EYS: variants seen among roughly 807,000 people sequenced by gnomAD.
EYS encodes the protein protein eyes shut homolog.
EYS carries 250 observed loss-of-function variants against 282.1 expected under a neutral mutation model. The observed-to-expected ratio is 0.89, with a 90% CI of 0.80 to 0.98. EYS has a LOEUF of 0.98. Among genes scored for constraint, EYS ranks in the 50% least tolerant of loss-of-function variants. The pLI, the probability that EYS is intolerant of heterozygous loss-of-function variation, is 0.00. For synonymous variants in EYS, 1,355 were observed against 1,282.9 expected, an observed-to-expected ratio of 1.06 and a Z score of -1.20; for missense variants, 4,016 against 3,709.0, an observed-to-expected ratio of 1.08 and a Z score of -2.15.
intron 5 of EYS, among the ~76,000 whole-genome samples, chr6:65,431,717 A>G (rs1767897044): frequency 6.6e-6 from 1 of 152,116 alleles, no homozygotes; most frequent in Non-Finnish European, 1.5e-5. Flanking sequence ...GTGTCACATT[A>G]TCTCTAAATT....
At chr6:64,728,489 C>T (rs1230738679) in intron 22 of EYS, among the ~76,000 whole-genome samples, 2 of 152,110 alleles carry the variant, frequency 1.3e-5, no homozygotes, top group African/African-American at 4.8e-5. Context: ...CGCCCGCCAC[C>T]ATGCCTGACT....
At chr6:64,579,752 C>T (rs1315807778) in intron 26 of EYS, among the ~76,000 whole-genome samples, 1 of 152,116 alleles carries the variant, frequency 6.6e-6, no homozygotes, top group Non-Finnish European at 1.5e-5. Context: ...TTCTGCTGTA[C>T]TGAATCTTTG....
intron 22 of EYS, among the ~76,000 whole-genome samples, chr6:64,766,541 A>G (rs2149982344): frequency 6.9e-6 from 1 of 145,666 alleles, no homozygotes; most frequent in East Asian, 2.1e-4. Flanking sequence ...CTGAGGCAGG[A>G]GAATCACTTG....
At chr6:65,615,059 G>A (rs1367912600) in intron 2 of EYS, among the ~76,000 whole-genome samples, 2 of 152,128 alleles carry the variant, frequency 1.3e-5, no homozygotes, top group East Asian at 1.9e-4. Flanking sequence ...ACCAAAAGGC[G>A]AAATTCAATC....
rs565061562 is a variant in EYS, at chr6:64,548,826, A to C, written c.5644+41397T>G. On this transcript the variant is annotated intron_variant, in intron 26 of 42. Coordinates refer to ENST00000503581, the MANE Select transcript of EYS (RefSeq NM_001142800.2). The stretch of plus-strand genomic sequence containing the variant: ...ACATGTACCCTAAAACTTAAAGTAT[A>C]ATAAAAAAAAAAGAAAGAATAGCTG... Among the ~76,000 whole-genome samples, 37 of 149,378 alleles carry C rather than the reference A, an allele frequency of 2.5e-4. 2 individuals carry two copies. Among genetic ancestry groups the C allele is most frequent in the African/African-American group, 9.0e-4 (37 of 40,958 alleles).
chr6:64,777,230 A>T (rs976707896), intron 22 of EYS, among the ~76,000 whole-genome samples: 1 of 152,198 alleles, frequency 6.6e-6, no homozygotes, highest in African/African-American at 2.4e-5. Context: ...GTAGACTGGG[A>T]TATAAAATAG....
At position 64,455,619 on chromosome 6, in the gene EYS, G is replaced by T. The variant is rs367977789; in HGVS notation, c.5645-16267C>A. ...CCCTCCCCATGTCCCCAATCCTCCC[G>T]ACAAGACCTGGTGTGTGATATTCCC... On this transcript the variant is annotated intron_variant, in intron 26 of 42. Coordinates refer to ENST00000503581, the MANE Select transcript of EYS (RefSeq NM_001142800.2). Among the ~76,000 whole-genome samples the T allele has an allele frequency of 1.3e-4, 19 of 151,944 alleles. No individual in the cohort carries two copies. The East Asian group carries it at 3.3e-3, about 26-fold the overall frequency.
intron 12 of EYS, among the ~76,000 whole-genome samples, chr6:65,070,458 A>G (rs185643960): frequency 1.3e-5 from 2 of 151,982 alleles, no homozygotes; most frequent in Non-Finnish European, 2.9e-5. Context: ...GACTCTACTC[A>G]TAACAACCTT....
chr6:65,231,117 A>ATATATATATATACTTT (rs1766767031), intron 12 of EYS, among the ~76,000 whole-genome samples: 2 of 128,838 alleles, frequency 1.6e-5, no homozygotes, highest in African/African-American at 5.9e-5. Flanking sequence ...ATATGTATTT[A>ATATATATATATACTTT]TATATATATA....
chr6:65,353,589 T>C lies in EYS; in HGVS notation c.1328A>G (p.Asn443Ser). ...KYVCIPGCTK[N>S]PCWFLKNVYL... is the part of the protein sequence containing the mutation. ...AACATTCTTCAAAAACCAACATGGA[T>C]TTTTTGTGCACCCTGGAATGCATAC... The change falls in exon 9 of 43, where the codon AAT becomes AGT. Residue 443 changes from asparagine (N) to serine (S), a missense_variant. By Grantham distance (46) the Asn-to-Ser change is conservative. Transcript: ENST00000503581. 2 of 1,612,974 alleles carry C rather than the reference T, an allele frequency of 1.2e-6. No individual in the cohort carries two copies. The highest frequency in any genetic ancestry group is 2.2e-5 in the South Asian group (2 of 91,054).
At chr6:64,660,799 A>G (rs1469928380) in intron 22 of EYS, among the ~76,000 whole-genome samples, 1 of 152,198 alleles carries the variant, frequency 6.6e-6, no homozygotes, top group Non-Finnish European at 1.5e-5. Context: ...TATCATGAAA[A>G]TGGCCATACA....
chr6:63,992,348 G>C (rs115884499), intron 34 of EYS, among the ~76,000 whole-genome samples: 1 of 151,368 alleles, frequency 6.6e-6, no homozygotes, highest in Non-Finnish European at 1.5e-5. Context: ...AGATACAAGG[G>C]GTACATGTGC....
chr6:64,822,473 G>GT (rs1420354005), intron 20 of EYS, among the ~76,000 whole-genome samples, 178 bp downstream of exon 20: 1 of 151,968 alleles, frequency 6.6e-6, no homozygotes, highest in East Asian at 1.9e-4. Context: ...CAGAGATAAT[G>GT]TATCAGTACA....
intron 35 of EYS, among the ~76,000 whole-genome samples, chr6:63,911,359 C>T (rs1424479595): frequency 6.6e-6 from 1 of 152,212 alleles, no homozygotes; most frequent in Non-Finnish European, 1.5e-5. Flanking sequence ...CCAGCATAAA[C>T]ATCTGCCCTT....
At chr6:65,515,055 A>G (rs186500508) in intron 2 of EYS, among the ~76,000 whole-genome samples, 28 of 152,352 alleles carry the variant, frequency 1.8e-4, no homozygotes, top group Admixed American at 1.4e-3. Flanking sequence ...ACAAAGGGCT[A>G]ATATCCAGAA....
intron 21 of EYS, among the ~76,000 whole-genome samples, chr6:64,816,920 G>C (rs1268038520): frequency 6.6e-6 from 1 of 151,272 alleles, no homozygotes; most frequent in Non-Finnish European, 1.5e-5. Flanking sequence ...CCACACAATA[G>C]AATATTAATA....
intron 22 of EYS, among the ~76,000 whole-genome samples, chr6:64,704,160 T>C (rs1179732399): frequency 6.6e-6 from 1 of 151,662 alleles, no homozygotes; most frequent in Non-Finnish European, 1.5e-5. Flanking sequence ...ATTTGGACAA[T>C]TGAGTTAAAT....
intron 19 of EYS, among the ~76,000 whole-genome samples, chr6:64,876,559 T>C (rs955295296): frequency 6.6e-6 from 1 of 152,210 alleles, no homozygotes; most frequent in South Asian, 2.1e-4. Context: ...GAAATTCCTG[T>C]GTTCAAGGAG....
intron 24 of EYS, among the ~76,000 whole-genome samples, chr6:64,607,787 T>C (rs1766982321): frequency 6.6e-6 from 1 of 152,230 alleles, no homozygotes; most frequent in South Asian, 2.1e-4. Context: ...GTGAAAACTT[T>C]CTGACGTAGT....
Sources: allele counts gnomAD v4.1 joint callset (sites outside exome capture counted in the v4.1 genomes callset), GRCh38; gene constraint gnomAD v4.1.1; transcripts MANE v1.5; gene names NCBI Gene and HGNC (gene_info 2026-07-23, HGNC 2026-07-21).